Variants in PAPLN observed in about 807,000 individuals in gnomAD.
PAPLN encodes the protein papilin, proteoglycan like sulfated glycoprotein, also known as papilin.
In PAPLN, 146 loss-of-function variants were observed where a neutral mutation model predicts 159.0. The observed-to-expected ratio is 0.92, with a 90% CI of 0.80 to 1.05. The LOEUF is 1.05. Ranked by LOEUF, PAPLN falls within the 50% of genes least tolerant of loss-of-function variation. PAPLN has a pLI of 0.00. For synonymous variants in PAPLN, 734 were observed against 702.9 expected (o/e 1.04, Z -0.70); for missense variants, 1,720 against 1,743.9 (o/e 0.99, Z 0.24).
chr14:73,240,656 T>C (rs72625698), intron 2 of PAPLN, among the ~76,000 whole-genome samples: 21,751 of 152,092 alleles, frequency 0.14, 1,944 homozygotes, highest in East Asian at 0.42. Context: ...TGTATTGGAC[T>C]GCGAATTAAG....
chr14:73,250,725 A>T (rs77145454), intron 6 of PAPLN, among the ~76,000 whole-genome samples, 182 bp from the exon 7 acceptor site: 1 of 152,114 alleles, frequency 6.6e-6, no homozygotes, highest in African/African-American at 2.4e-5. Flanking sequence ...GGGAGATGGG[A>T]GCTGAGCAGA....
chr14:73,247,936 T>G (rs1321554623), intron 5 of PAPLN, among the ~76,000 whole-genome samples: 13 of 46,948 alleles, frequency 2.8e-4, no homozygotes, highest in East Asian at 7.8e-4. Flanking sequence ...GTGTGTGTGT[T>G]GTGGGGACCG....
chr14:73,248,111 GTGTGTGTGTTGTGGGGAT>G (rs1884798592), intron 5 of PAPLN, among the ~76,000 whole-genome samples: 1 of 125,104 alleles, frequency 8.0e-6, no homozygotes, highest in South Asian at 2.8e-4. Flanking sequence ...GTGTGTGCGC[GTGTGTGTGTTGTGGGGAT>G]CGTGGCTGTG....
Position 73,259,537 on chromosome 14 carries a change from G to C in PAPLN, c.1977G>C (p.Gln659His). 2 of 1,574,032 alleles carry C rather than the reference G, an allele frequency of 1.3e-6. No individual in the cohort carries two copies. Among genetic ancestry groups the C allele is most frequent in the South Asian group, 2.3e-5 (2 of 85,558 alleles). Reference sequence around the variant, plus strand: ...AAGGCTGCCCTGGGGCCCCCTGTCAGCAGAGCAGGTGGGTGCTGGAGACAG... The same window carrying C: ...AAGGCTGCCCTGGGGCCCCCTGTCACCAGAGCAGGTGGGTGCTGGAGACAG... ...QWQGCPGAPC[Q>H]QSRYGCCPDR... Residue 659 changes from glutamine (Q) to histidine (H), a missense_variant, in exon 16 of 27, where the codon CAG (glutamine) becomes CAC (histidine). Coordinates refer to ENST00000644200, the MANE Select transcript of PAPLN (RefSeq NM_001365906.3).
chr14:73,263,959 C>G, intron 20 of PAPLN, 177 bp downstream of exon 20: 1 of 1,392,238 alleles, frequency 7.2e-7, no homozygotes, highest in African/African-American at 1.5e-5. Context: ...TGACGGCCCC[C>G]CGACCTCCTC....
rs1042355126 is a variant in PAPLN, at chr14:73,272,335, G to C, written c.3668-160G>C. 3 of 599,574 alleles carry C rather than the reference G, an allele frequency of 5.0e-6. No homozygotes were observed. The African/African-American group carries it at 5.5e-5, about 11-fold the overall frequency. The allele number at this position is 599,574 out of a possible 1,614,324, so 37.1% of individuals were successfully genotyped here. A position where few individuals can be genotyped will look rare whatever the true frequency, so the allele number is the denominator to read the frequency against. On this transcript the variant is annotated intron_variant, in intron 26 of 26. Coordinates refer to ENST00000644200, the MANE Select transcript of PAPLN (RefSeq NM_001365906.3). Reference sequence around the variant, plus strand: ...GGTAGAAATCATCATCCCTCATAGAGTTTGTACGTATGGTTAAAAGGTTAC... The same window carrying C: ...GGTAGAAATCATCATCCCTCATAGACTTTGTACGTATGGTTAAAAGGTTAC...
In PAPLN at chr14:73,262,534, G is replaced by A. The variant is rs1295929051; in HGVS notation, c.2430G>A (p.Gly810=). The change falls in exon 19 of 27, where the codon GGG becomes GGA. Residue 810 remains glycine, a synonymous_variant. Transcript: ENST00000644200. ...CMSSCQGSLH[G]PRRPQPGASG... ...GCAGCTGCCAGGGATCTCTCCATGGGCCCCGTCGTCCCCAGCCTGGGGCTT... is the reference window on the plus strand; with the variant it reads ...GCAGCTGCCAGGGATCTCTCCATGGACCCCGTCGTCCCCAGCCTGGGGCTT... 73 of 1,571,936 alleles carry A rather than the reference G, an allele frequency of 4.6e-5. No homozygotes were observed. Among genetic ancestry groups the A allele is most frequent in the Non-Finnish European group, 6.2e-5 (72 of 1,158,080 alleles).
chr14:73,236,651 T>C (rs981769199), upstream of PAPLN, among the ~76,000 whole-genome samples: 6 of 152,014 alleles, frequency 3.9e-5, no homozygotes, highest in African/African-American at 1.4e-4. Flanking sequence ...AACCTGTCTC[T>C]ACTAAAAATA....
intron 14 of PAPLN, among the ~76,000 whole-genome samples, chr14:73,255,529 C>T (rs979718424): frequency 2.6e-5 from 4 of 152,220 alleles, no homozygotes; most frequent in African/African-American, 9.6e-5. Context: ...CCTCTGTCTT[C>T]TTCCCTTCAT....
rs752113508 is a variant in PAPLN, at chr14:73,259,050, C to T, written c.1699C>T (p.Pro567Ser). 6.2e-7 allele frequency: 1 copy of T among 1,611,178 alleles called. No homozygotes were observed. The highest frequency in any genetic ancestry group is 8.5e-7 in the Non-Finnish European group (1 of 1,178,700). The change falls in exon 15 of 27, where the codon CCT becomes TCT. Residue 567 changes from proline (P) to serine (S), a missense_variant. By Grantham distance (74) the Pro-to-Ser change is moderately conservative (BLOSUM62 -1). Coordinates refer to ENST00000644200, the MANE Select transcript of PAPLN (RefSeq NM_001365906.3). ...GATGCCGTTGGGCCCTCAGGAGTCC[C>T]CTGCCTCAGGTGAGAGCCTGGTCCC... is the stretch of plus-strand genomic sequence containing the variant. ...PWMPLGPQES[P>S]ASDSRGQWWA...
intron 13 of PAPLN, 33 bp downstream of exon 13, chr14:73,254,728 G>T: frequency 6.2e-7 from 1 of 1,604,332 alleles, no homozygotes; most frequent in South Asian, 1.1e-5. Flanking sequence ...CCTGCTGCCT[G>T]ACCCTGGTCT....
At chr14:73,264,077 C>CA (rs752009641) in intron 20 of PAPLN, 134 bp from the exon 21 acceptor site, 6 of 1,527,952 alleles carry the variant, frequency 3.9e-6, no homozygotes, top group Non-Finnish European at 8.8e-7. Context: ...AAGCATATTC[C>CA]CCCAGCCTCA....
At position 73,262,365 on chromosome 14, in the gene PAPLN, G is replaced by C; in HGVS notation, c.2261G>C (p.Cys754Ser). The C allele has an allele frequency of 6.2e-7, 1 of 1,612,400 alleles. No individual in the cohort carries two copies. The highest frequency in any genetic ancestry group is 8.5e-7 in the Non-Finnish European group (1 of 1,178,940). The part of the protein sequence containing the change: ...GQPSHAYPVR[C>S]LLPSAHGSCA... ...TGCCCTGCAGCCTACCCCGTGCGGT[G>C]CCTGCTGCCCAGTGCCCATGGCTCT... Residue 754 changes from cysteine (C) to serine (S), a missense_variant, in exon 19 of 27, where the codon TGC becomes TCC. By Grantham distance (112) the Cys-to-Ser change is moderately radical. Coordinates refer to ENST00000644200, the MANE Select transcript of PAPLN (RefSeq NM_001365906.3).
intron 11 of PAPLN, among the ~76,000 whole-genome samples, 154 bp from the exon 12 acceptor site, chr14:73,253,600 G>A (rs1043570669): frequency 1.3e-5 from 2 of 152,194 alleles, no homozygotes; most frequent in East Asian, 1.9e-4. Context: ...GCTAAGGAGC[G>A]CCTGGGTCGT....
chr14:73,246,071 A>C lies in PAPLN; in HGVS notation c.232-2A>C. The C allele has an allele frequency of 1.3e-6, 2 of 1,542,512 alleles. No homozygotes were observed. Among genetic ancestry groups the C allele is most frequent in the Non-Finnish European group, 1.7e-6 (2 of 1,148,798 alleles). On this transcript the variant is annotated splice_acceptor_variant, in intron 4 of 26. Transcript: ENST00000644200. LOFTEE classifies it high-confidence loss of function. ...GATCCCGACTTCCCCTCCGCCCCGC[A>C]GAGCTGCCCCGACGGCGCCCGGGAC... is the stretch of plus-strand genomic sequence containing the variant.
chr14:73,259,325 A>AG lies in PAPLN; in HGVS notation c.1769dup (p.Glu591ArgfsTer4). The AG allele has an allele frequency of 6.2e-7, 1 of 1,606,886 alleles. No homozygotes were observed. The highest frequency in any genetic ancestry group is 1.1e-5 in the South Asian group (1 of 90,092). The stretch of plus-strand genomic sequence containing the variant: ...ACACCCCTCAGCCAGGGGTGACCAC[A>AG]GGGGAGAACGAGGTGACCCCAGGGG... On this transcript the variant is annotated frameshift_variant, in exon 16 of 27. Transcript: ENST00000644200. LOFTEE classifies it high-confidence loss of function.
chr14:73,249,937 G>T, intron 5 of PAPLN, 47 bp from the exon 6 acceptor site: 1 of 1,550,518 alleles, frequency 6.4e-7, no homozygotes. Context: ...TTGGGGAGGG[G>T]CATCATCAAC....
In PAPLN at chr14:73,273,751, A is replaced by G. The variant is rs1201747855; in HGVS notation, c.*1087A>G. ...TCTGTGCTAAAATCAGCGATGGTTC[A>G]TTGCTCTAGTCTCTCTCACCCTTCT... On this transcript the variant is annotated 3_prime_UTR_variant, in exon 27 of 27. Coordinates refer to ENST00000644200, the MANE Select transcript of PAPLN (RefSeq NM_001365906.3). 1 of 152,242 alleles carries G rather than the reference A, an allele frequency of 6.6e-6. No individual in the cohort carries two copies. Among genetic ancestry groups the G allele is most frequent in the African/African-American group, 2.4e-5 (1 of 41,462 alleles). The allele number at this position is 152,242 out of a possible 1,614,324, so 9.4% of individuals were successfully genotyped here. A position where few individuals can be genotyped will look rare whatever the true frequency, so the allele number is the denominator to read the frequency against.
chr14:73,252,909 G>T, intron 11 of PAPLN, 134 bp downstream of exon 11: 1 of 1,421,376 alleles, frequency 7.0e-7, no homozygotes, highest in Non-Finnish European at 9.5e-7. Flanking sequence ...TGGCTGGGGT[G>T]TGGGAGAGGT....
Sources: gnomAD v4.1 joint callset for allele counts (sites outside exome capture counted in the v4.1 genomes callset) on GRCh38, gnomAD v4.1.1 for gene constraint, MANE v1.5 for transcripts, NCBI Gene and HGNC (gene_info 2026-07-23, HGNC 2026-07-21) for gene names.